Variants in NCALD observed in about 807,000 individuals in gnomAD.
NCALD encodes neurocalcin delta.
A neutral mutation model predicts 18.6 loss-of-function variants in NCALD; 10 were observed. That is an observed-to-expected ratio of 0.54 (90% confidence interval 0.33 to 0.91). NCALD has a LOEUF of 0.91. Among genes scored for constraint, NCALD ranks in the 40% least tolerant of loss-of-function variants. The pLI is 0.03. For synonymous variants in NCALD, 88 were observed against 87.4 expected (o/e 1.01, Z -0.04); for missense variants, 184 against 247.6 (o/e 0.74, Z 1.72).
chr8:102,087,943 T>C (rs1824795014), intron 1 of NCALD, among the ~76,000 whole-genome samples: 1 of 151,444 alleles, frequency 6.6e-6, no homozygotes, highest in Non-Finnish European at 1.5e-5. Context: ...GTTAAATGAA[T>C]GGTAAAAAAT....
intron 1 of NCALD, among the ~76,000 whole-genome samples, chr8:101,769,712 G>T (rs1001631059): frequency 9.2e-5 from 14 of 151,892 alleles, no homozygotes; most frequent in Admixed American, 4.6e-4. Flanking sequence ...CTGTATGAAG[G>T]TTAAAAACTC....
intron 2 of NCALD, among the ~76,000 whole-genome samples, chr8:101,718,478 C>G (rs1440743333): frequency 6.6e-6 from 1 of 152,066 alleles, no homozygotes; most frequent in African/African-American, 2.4e-5. Flanking sequence ...ACTATTTGTT[C>G]AGGGCTGAGT....
chr8:102,109,894 A>C (rs909234186), intron 1 of NCALD, among the ~76,000 whole-genome samples: 3 of 152,244 alleles, frequency 2.0e-5, no homozygotes, highest in Non-Finnish European at 4.4e-5. Context: ...AGTATTTATT[A>C]TCATTACTTA....
chr8:101,782,342 T>A (rs1026693750), intron 1 of NCALD, among the ~76,000 whole-genome samples: 2 of 152,116 alleles, frequency 1.3e-5, no homozygotes, highest in African/African-American at 4.8e-5. Flanking sequence ...TCACATTTCT[T>A]AAAATTTAAG....
In NCALD at chr8:102,003,394, T is replaced by C. The variant is rs111679922; in HGVS notation, c.-157+16843A>G. On this transcript the variant is annotated intron_variant, in intron 2 of 6. Transcript: ENST00000311028. ...GAAATTGAGGCAATAATTAATAGCTTAACAACCAAAAAGATTCCAGGACCA... is the reference window on the plus strand; with the variant it reads ...GAAATTGAGGCAATAATTAATAGCTCAACAACCAAAAAGATTCCAGGACCA... Among the ~76,000 whole-genome samples, 1,307 of 152,240 alleles carry C rather than the reference T, an allele frequency of 8.6e-3. 19 individuals are homozygous for C. The highest frequency in any genetic ancestry group is 0.029 in the African/African-American group (1,188 of 41,534).
intron 1 of NCALD, among the ~76,000 whole-genome samples, chr8:102,055,637 G>A (rs913786396): frequency 6.6e-6 from 1 of 152,172 alleles, no homozygotes; most frequent in African/African-American, 2.4e-5. Context: ...CTCAGACATA[G>A]CTTGATTTAC....
At chr8:101,760,003 G>A (rs1353299274) in intron 1 of NCALD, among the ~76,000 whole-genome samples, 1 of 152,154 alleles carries the variant, frequency 6.6e-6, no homozygotes, top group Non-Finnish European at 1.5e-5. Flanking sequence ...ACCCCAAGGG[G>A]TTGGTCAAGT....
At chr8:101,769,008 T>G (rs908348323) in intron 1 of NCALD, among the ~76,000 whole-genome samples, 2 of 152,038 alleles carry the variant, frequency 1.3e-5, no homozygotes, top group African/African-American at 4.8e-5. Flanking sequence ...GGCAGGAGCT[T>G]TGGAGTCAGA....
chr8:102,042,641 T>A (rs930787623), intron 1 of NCALD, among the ~76,000 whole-genome samples: 1 of 151,796 alleles, frequency 6.6e-6, no homozygotes, highest in African/African-American at 2.4e-5. Context: ...GGACATTTCA[T>A]GAGACCCCCA....
In NCALD at chr8:102,099,122, C is replaced by T. The variant is rs1054732965; in HGVS notation, c.-210+25115G>A. Among the ~76,000 whole-genome samples, 13 of 152,152 alleles carry T rather than the reference C, an allele frequency of 8.5e-5. 1 individual carries two copies. Among genetic ancestry groups the T allele is most frequent in the Admixed American group, 7.9e-4 (12 of 15,282 alleles). On this transcript the variant is annotated intron_variant, in intron 1 of 6. Coordinates refer to the NCALD transcript ENST00000311028. ...CCTAACATTCTTTGTATACCTTGAT[C>T]CAAATGGATCTGAATTCCATCTCTG...
In NCALD at chr8:101,688,762, C is replaced by T. The variant is rs983442595; in HGVS notation, c.*547G>A. On this transcript the variant is annotated 3_prime_UTR_variant, in exon 4 of 4. Transcript: ENST00000220931. ...TGAAATGTTCACAGCTTAGAAACTA[C>T]AGCCTGCTGGGGAAGAGAGGGGAGT... is the stretch of plus-strand genomic sequence containing the variant. 3.5e-6 allele frequency: 2 copies of T among 563,662 alleles called. No individual in the cohort carries two copies. Among genetic ancestry groups the T allele is most frequent in the Non-Finnish European group, 3.4e-6 (1 of 297,626 alleles). The allele number at this position is 563,662 out of a possible 1,614,324, so 34.9% of individuals were successfully genotyped here.
At chr8:102,110,431 G>A (rs1392447679) in intron 1 of NCALD, among the ~76,000 whole-genome samples, 2 of 152,122 alleles carry the variant, frequency 1.3e-5, no homozygotes, top group African/African-American at 4.8e-5. Flanking sequence ...TCGTTTTGCT[G>A]TAATTATTAG....
chr8:102,050,855 A>C (rs1563575167), intron 1 of NCALD, among the ~76,000 whole-genome samples: 2 of 146,202 alleles, frequency 1.4e-5, no homozygotes, highest in East Asian at 3.9e-4. Context: ...AATTTAATTA[A>C]TTAATTTAAT....
rs1011802243 is a variant in NCALD at position 101,885,595 on chromosome 8, C to T, written c.-20+1546G>A. On this transcript the variant is annotated intron_variant, in intron 4 of 6. Coordinates refer to the NCALD transcript ENST00000311028. ...CCTCGTTTGGGTCTGGCAGATGCTG[C>T]AAACCTGCAGCATGAACTCTCGCAG... Among the ~76,000 whole-genome samples the T allele has an allele frequency of 3.9e-4, 59 of 152,304 alleles. 1 individual carries two copies. The highest frequency in any genetic ancestry group is 1.4e-3 in the African/African-American group (58 of 41,576).
intron 1 of NCALD, among the ~76,000 whole-genome samples, chr8:101,768,128 C>A (rs1358595080): frequency 1.3e-5 from 2 of 152,144 alleles, no homozygotes; most frequent in Non-Finnish European, 2.9e-5. Flanking sequence ...CAATCTAGAG[C>A]CCTGTTACCT....
intron 4 of NCALD, among the ~76,000 whole-genome samples, chr8:101,817,320 G>A (rs1486942119): frequency 6.6e-6 from 1 of 152,154 alleles, no homozygotes; most frequent in East Asian, 1.9e-4. Context: ...TGATTAGGAT[G>A]CCATCCTCTT....
At chr8:101,876,751 CAAATA>C (rs1563848848) in intron 4 of NCALD, among the ~76,000 whole-genome samples, 2 of 152,182 alleles carry the variant, frequency 1.3e-5, no homozygotes, top group African/African-American at 4.8e-5. Context: ...TGCTGCTGCT[CAAATA>C]AAATAATAGT....
chr8:101,851,859 A>G (rs559523674), intron 4 of NCALD, among the ~76,000 whole-genome samples: 1 of 152,132 alleles, frequency 6.6e-6, no homozygotes, highest in Non-Finnish European at 1.5e-5. Context: ...GTTAAACTCT[A>G]ATTTCCATTA....
At chr8:102,086,056 C>A (rs1824727248) in intron 1 of NCALD, among the ~76,000 whole-genome samples, 1 of 151,936 alleles carries the variant, frequency 6.6e-6, no homozygotes. Context: ...CATTTGGGTA[C>A]CATGTTTAAA....
Sources: allele counts gnomAD v4.1 joint callset (sites outside exome capture counted in the v4.1 genomes callset), GRCh38; gene constraint gnomAD v4.1.1; transcripts MANE v1.5; gene names NCBI Gene and HGNC (gene_info 2026-07-23, HGNC 2026-07-21).